The following PLAC1 variants were observed in gnomAD, a reference collection of about 807,000 sequenced individuals.
PLAC1 encodes placenta-specific protein 1.
For synonymous variants in PLAC1, 68 were observed against 62.1 expected (o/e 1.09, Z -0.44); for missense variants, 136 against 163.2 (o/e 0.83, Z 0.91).
At chrX:134,757,582 A>G (rs1020438009) in intron 1 of PLAC1, among the ~76,000 whole-genome samples, 1 of 112,068 alleles carries the variant, frequency 8.9e-6, no homozygotes, top group Non-Finnish European at 1.9e-5. Context: ...CAAACAAAAA[A>G]AAGCTCTAAA....
intron 2 of PLAC1, among the ~76,000 whole-genome samples, chrX:134,567,413 T>G: frequency 9.0e-6 from 1 of 111,564 alleles, no homozygotes; most frequent in Non-Finnish European, 1.9e-5. Flanking sequence ...AACATGCTGG[T>G]TTTTAATTTT....
chrX:134,602,004 C>G (rs1348804467), intron 2 of PLAC1, 47 bp downstream of exon 2: 1 of 112,088 alleles, frequency 8.9e-6, no homozygotes, highest in African/African-American at 3.3e-5. Flanking sequence ...GAAAGTTAAC[C>G]TGTTGGTTAT....
intron 1 of PLAC1, among the ~76,000 whole-genome samples, chrX:134,752,905 T>C (rs2078747992): frequency 9.0e-6 from 1 of 111,651 alleles, no homozygotes; most frequent in Non-Finnish European, 1.9e-5. Flanking sequence ...TTCATGTATA[T>C]ATGAGATAAT....
At chrX:134,753,007 C>T (rs1334799884) in intron 1 of PLAC1, among the ~76,000 whole-genome samples, 2 of 111,482 alleles carry the variant, frequency 1.8e-5, no homozygotes, top group African/African-American at 6.5e-5. Context: ...CCAGCACATC[C>T]GCCTTTCTTG....
chrX:134,627,395 T>C (rs1265391114), intron 1 of PLAC1, among the ~76,000 whole-genome samples: 1 of 112,079 alleles, frequency 8.9e-6, no homozygotes, highest in African/African-American at 3.2e-5. Flanking sequence ...AAAAAGTCTA[T>C]CAAAATTTAA....
intron 2 of PLAC1, among the ~76,000 whole-genome samples, chrX:134,719,836 T>G (rs1193273748): frequency 9.0e-6 from 1 of 110,979 alleles, no homozygotes. Flanking sequence ...AAACAAGAAC[T>G]AGAAAGTAAC....
At chrX:134,660,247 G>C (rs776806594), upstream of PLAC1, among the ~76,000 whole-genome samples, 1 of 110,155 alleles carries the variant, frequency 9.1e-6, no homozygotes, top group South Asian at 3.9e-4. Context: ...TGGGATTACA[G>C]GTGCCTGCCA....
chrX:134,672,439 T>C (rs759577171), intron 2 of PLAC1, among the ~76,000 whole-genome samples: 16 of 112,002 alleles, frequency 1.4e-4, no homozygotes, highest in Non-Finnish European at 2.3e-4. Flanking sequence ...TCTTGCTCTC[T>C]CTTCCCTTCT....
chrX:134,713,303 T>C (rs2078633651), intron 2 of PLAC1, among the ~76,000 whole-genome samples: 1 of 112,545 alleles, frequency 8.9e-6, no homozygotes, highest in East Asian at 2.8e-4. Flanking sequence ...TAATATTCTG[T>C]TATGAATAGT....
intron 1 of PLAC1, among the ~76,000 whole-genome samples, chrX:134,752,526 T>TC (rs1319101210): frequency 8.9e-6 from 1 of 111,767 alleles, no homozygotes; most frequent in Non-Finnish European, 1.9e-5. Context: ...CTTTTTTTTC[T>TC]CCCCTTGGCT....
chrX:134,711,909 C>T (rs183991505), intron 2 of PLAC1, among the ~76,000 whole-genome samples: 12 of 112,057 alleles, frequency 1.1e-4, no homozygotes, highest in African/African-American at 3.9e-4. Flanking sequence ...TTAACAATTC[C>T]AGCAGGCTTC....
chrX:134,604,194 T>C (rs922847161), intron 1 of PLAC1, among the ~76,000 whole-genome samples: 4 of 112,824 alleles, frequency 3.5e-5, no homozygotes, highest in African/African-American at 6.4e-5. Flanking sequence ...AATGGTTTCA[T>C]TGGCCTGGGA....
chrX:134,696,120 C>T (rs1025964631), intron 2 of PLAC1, among the ~76,000 whole-genome samples: 5 of 112,020 alleles, frequency 4.5e-5, no homozygotes, highest in Non-Finnish European at 9.4e-5. Context: ...ATTTAACTGG[C>T]TTTCCTGTAT....
At chrX:134,677,767 T>C (rs1028672421) in intron 2 of PLAC1, among the ~76,000 whole-genome samples, 1 of 111,477 alleles carries the variant, frequency 9.0e-6, no homozygotes, top group Non-Finnish European at 1.9e-5. Flanking sequence ...TGTTCTGACT[T>C]ATGCTTTAAA....
chrX:134,616,864 C>T (rs1313663739), intron 1 of PLAC1, among the ~76,000 whole-genome samples: 1 of 108,928 alleles, frequency 9.2e-6, no homozygotes, highest in Non-Finnish European at 1.9e-5. Flanking sequence ...CAGCCTTCGC[C>T]TCCTTAGTTC....
At chrX:134,609,885 C>T (rs191307385) in intron 1 of PLAC1, among the ~76,000 whole-genome samples, 91 of 112,075 alleles carry the variant, frequency 8.1e-4, no homozygotes, top group African/African-American at 2.8e-3. Context: ...CATCACATTT[C>T]GGGTTAGAGT....
At chrX:134,731,615 C>T (rs756397294) in intron 2 of PLAC1, among the ~76,000 whole-genome samples, 9 of 111,511 alleles carry the variant, frequency 8.1e-5, no homozygotes, top group South Asian at 3.8e-4. Flanking sequence ...CTACTACTGC[C>T]GGGGTAGAGC....
At chrX:134,747,435 C>T (rs1434073550) in intron 1 of PLAC1, among the ~76,000 whole-genome samples, 2 of 111,917 alleles carry the variant, frequency 1.8e-5, no homozygotes, top group Non-Finnish European at 3.8e-5. Flanking sequence ...CCTGGTCACT[C>T]AGCTTAATGA....
At chrX:134,589,115 C>G (rs1381268571) in intron 2 of PLAC1, among the ~76,000 whole-genome samples, 4 of 111,050 alleles carry the variant, frequency 3.6e-5, no homozygotes, top group East Asian at 5.7e-4. Flanking sequence ...AGGGAGGGCT[C>G]CAATGTGAGT....
Sources: allele counts gnomAD v4.1 joint callset (sites outside exome capture counted in the v4.1 genomes callset), GRCh38; gene constraint gnomAD v4.1.1; transcripts MANE v1.5; gene names NCBI Gene and HGNC (gene_info 2026-07-23, HGNC 2026-07-21).